The following UGT1A4 variants were observed in gnomAD, a reference collection of about 807,000 sequenced individuals.
The protein encoded by UGT1A4 is UDP-glucuronosyltransferase 1A4.
In UGT1A4, 32 loss-of-function variants were observed where a neutral mutation model predicts 41.1. The ratio of observed to expected loss-of-function variants is 0.78; its 90% CI spans 0.59 to 1.05. UGT1A4 has a LOEUF of 1.05. Among genes scored for constraint, UGT1A4 ranks in the 50% least tolerant of loss-of-function variants. The pLI is 0.00. For synonymous variants in UGT1A4, 283 were observed against 265.1 expected (o/e 1.07, Z -0.66); for missense variants, 748 against 677.4 (o/e 1.10, Z -1.16).
chr2:233,754,768 C>T, intron 1 of UGT1A4: 1 of 1,017,180 alleles, frequency 9.8e-7, no homozygotes, highest in Non-Finnish European at 1.4e-6. Context: ...CCCCCACTTC[C>T]CAGGGAGCCA....
intron 1 of UGT1A4, among the ~76,000 whole-genome samples, chr2:233,727,669 C>T (rs531135628): frequency 6.8e-4 from 104 of 152,310 alleles, no homozygotes; most frequent in Non-Finnish European, 1.3e-3. Flanking sequence ...TATGTCCTTA[C>T]AAATTCCCAG....
intron 1 of UGT1A4, chr2:233,721,831 C>G: frequency 3.9e-6 from 2 of 514,410 alleles, no homozygotes. Flanking sequence ...TTTGGGCCAC[C>G]GACCTTGTGT....
At chr2:233,732,137 TTTG>T (rs1309636549) in intron 1 of UGT1A4, among the ~76,000 whole-genome samples, 1 of 152,050 alleles carries the variant, frequency 6.6e-6, no homozygotes, top group African/African-American at 2.4e-5. Context: ...AGGTTGTTTG[TTTG>T]TTTTTTTTCT....
intron 1 of UGT1A4, chr2:233,729,033 A>G: frequency 1.9e-6 from 3 of 1,602,256 alleles, no homozygotes; most frequent in Admixed American, 3.4e-5. Context: ...TTGATTTGCT[A>G]AGTGGCTCAG....
chr2:233,754,024 C>G (rs763970261), intron 1 of UGT1A4, among the ~76,000 whole-genome samples: 2 of 152,198 alleles, frequency 1.3e-5, no homozygotes, highest in Non-Finnish European at 2.9e-5. Context: ...TGATAGGAAA[C>G]GAATGCATCC....
chr2:233,767,095 C>T lies in UGT1A4; in HGVS notation c.929C>T (p.Ser310Leu), dbSNP rs1301476253. The T allele has an allele frequency of 6.2e-7, 1 of 1,614,096 alleles. No homozygotes were observed. The highest frequency in any genetic ancestry group is 1.7e-5 in the Admixed American group (1 of 60,026). ...EHGIVVFSLG[S>L]MVSEIPEKKA... Reference sequence around the variant, plus strand: ...GGAATTGTGGTTTTCTCTTTGGGATCAATGGTCTCAGAAATTCCAGAGAAG... The same window carrying T: ...GGAATTGTGGTTTTCTCTTTGGGATTAATGGTCTCAGAAATTCCAGAGAAG... Residue 310 changes from serine (S) to leucine (L), a missense_variant, in exon 2 of 5, where the codon TCA (serine) becomes TTA (leucine). By Grantham distance (145) the Ser-to-Leu change is moderately radical (BLOSUM62 -2). Coordinates refer to ENST00000373409, the MANE Select transcript of UGT1A4 (RefSeq NM_007120.3).
intron 1 of UGT1A4, among the ~76,000 whole-genome samples, chr2:233,749,359 C>G (rs189942106): frequency 6.6e-6 from 1 of 151,920 alleles, no homozygotes; most frequent in East Asian, 1.9e-4. Flanking sequence ...TAAATAGTGA[C>G]TCTTGCCCTT....
chr2:233,765,728 A>C (rs1698929525), intron 1 of UGT1A4, among the ~76,000 whole-genome samples: 1 of 151,098 alleles, frequency 6.6e-6, no homozygotes, highest in Admixed American at 6.6e-5. Flanking sequence ...TAATAATAAT[A>C]ATAAATAAAC....
intron 1 of UGT1A4, among the ~76,000 whole-genome samples, chr2:233,750,888 T>C (rs577435588): frequency 6.6e-6 from 1 of 152,002 alleles, no homozygotes; most frequent in South Asian, 2.1e-4. Context: ...GGAGCCCTTA[T>C]AGAGAACCTC....
chr2:233,760,274 G>C (rs1697379637), intron 1 of UGT1A4: 1 of 1,612,450 alleles, frequency 6.2e-7, no homozygotes, highest in African/African-American at 1.3e-5. Context: ...ACCTCTGGCA[G>C]GAGCAAAGGC....
chr2:233,759,584 C>G (rs1003659930), intron 1 of UGT1A4, among the ~76,000 whole-genome samples: 4 of 149,800 alleles, frequency 2.7e-5, no homozygotes, highest in African/African-American at 9.9e-5. Flanking sequence ...TACCCCAGCA[C>G]GCCCCCCACC....
intron 1 of UGT1A4, chr2:233,740,766 G>A (rs189465133): frequency 3.0e-4 from 46 of 151,826 alleles, no homozygotes; most frequent in Admixed American, 7.8e-4. Context: ...TTATCAAACC[G>A]TTGTATAAAA....
chr2:233,771,968 G>A (rs942006859), intron 4 of UGT1A4, among the ~76,000 whole-genome samples: 1 of 152,094 alleles, frequency 6.6e-6, no homozygotes, highest in Non-Finnish European at 1.5e-5. Context: ...TTTAAAAATT[G>A]GCCAGACATA....
At chr2:233,754,520 T>C in intron 1 of UGT1A4, 1 of 365,678 alleles carries the variant, frequency 2.7e-6, no homozygotes, top group East Asian at 7.3e-5. Flanking sequence ...CAGATGTGCT[T>C]AAAGGCAAAT....
rs770564267 is a variant in UGT1A4 at position 233,772,524 on chromosome 2, C to A, written c.1570C>A (p.Arg524=). 1.2e-6 allele frequency: 2 copies of A among 1,613,956 alleles called. No individual in the cohort carries two copies. The highest frequency in any genetic ancestry group is 2.2e-5 in the East Asian group (1 of 44,874). Residue 524 remains arginine (R), a synonymous_variant, in exon 5 of 5, where the codon CGA becomes AGA. Transcript: ENST00000373409. ...GYRKCLGKKG[R]VKKAHKSKTH ...CCGGAAATGCTTGGGGAAAAAAGGG[C>A]GAGTTAAGAAAGCCCACAAATCCAA...
At chr2:233,757,676 T>G (rs986940319) in intron 1 of UGT1A4, among the ~76,000 whole-genome samples, 1 of 151,088 alleles carries the variant, frequency 6.6e-6, no homozygotes, top group African/African-American at 2.4e-5. Flanking sequence ...ATTCAAGGAA[T>G]TCAAGGGATT....
At chr2:233,749,672 C>T (rs779436675) in intron 1 of UGT1A4, among the ~76,000 whole-genome samples, 1 of 151,816 alleles carries the variant, frequency 6.6e-6, no homozygotes, top group African/African-American at 2.4e-5. Flanking sequence ...ATAATCCCCA[C>T]GTGTCAAGGA....
At chr2:233,721,697 G>A (rs1469805668) in intron 1 of UGT1A4, 9 of 355,958 alleles carry the variant, frequency 2.5e-5, no homozygotes, top group Admixed American at 6.5e-5. Flanking sequence ...CAAGACGCAT[G>A]GCTCATCTTG....
chr2:233,728,515 A>G (rs2077723500), intron 1 of UGT1A4, among the ~76,000 whole-genome samples: 5 of 152,152 alleles, frequency 3.3e-5, no homozygotes, highest in Admixed American at 2.6e-4. Context: ...AGCTTTTTCT[A>G]TATTGACAGC....
Sources: gnomAD v4.1 joint callset for allele counts (sites outside exome capture counted in the v4.1 genomes callset) on GRCh38, gnomAD v4.1.1 for gene constraint, MANE v1.5 for transcripts, NCBI Gene and HGNC (gene_info 2026-07-23, HGNC 2026-07-21) for gene names.